The following KLF12 variants were observed in gnomAD, a reference collection of about 807,000 sequenced individuals.
KLF12 encodes the protein KLF transcription factor 12.
A neutral mutation model predicts 37.8 loss-of-function variants in KLF12; 9 were observed. The ratio of observed to expected loss-of-function variants is 0.24; its 90% CI spans 0.14 to 0.42. The LOEUF (loss-of-function observed/expected upper bound fraction) is 0.42, where lower values mean the gene tolerates loss of function less well. KLF12 is among the 10% of genes least tolerant of loss of function. KLF12 has a pLI of 1.00. For missense variants in KLF12, 411 were observed against 516.0 expected, an observed-to-expected ratio of 0.80 and a Z score of 1.97; for synonymous variants, 208 against 202.1, an observed-to-expected ratio of 1.03 and a Z score of -0.25.
At chr13:74,098,622 G>C (rs1876119218) in intron 1 of KLF12, among the ~76,000 whole-genome samples, 1 of 152,142 alleles carries the variant, frequency 6.6e-6, no homozygotes. Flanking sequence ...AATATTGAAT[G>C]GCTATATCAA....
chr13:74,245,435 A>G, the KLF12 span, among the ~76,000 whole-genome samples: 1 of 152,164 alleles, frequency 6.6e-6, no homozygotes, highest in Non-Finnish European at 1.5e-5. Context: ...GATCAGAGAG[A>G]GAAATTGTTG....
At chr13:74,152,170 A>G in the KLF12 span, among the ~76,000 whole-genome samples, 1 of 152,282 alleles carries the variant, frequency 6.6e-6, no homozygotes, top group South Asian at 2.1e-4. Flanking sequence ...CACCCAACAC[A>G]TTTGCTCTGA....
At chr13:74,167,194 A>T in the KLF12 span, among the ~76,000 whole-genome samples, 5 of 152,232 alleles carry the variant, frequency 3.3e-5, no homozygotes, top group African/African-American at 1.2e-4. Context: ...AGGCATATAG[A>T]GATGCTCAAG....
intron 6 of KLF12, among the ~76,000 whole-genome samples, chr13:73,721,401 A>AT (rs1157083004): frequency 2.0e-5 from 3 of 152,246 alleles, no homozygotes; most frequent in Admixed American, 6.5e-5. Context: ...AACAGCACAC[A>AT]TAAGTGTTAT....
At chr13:74,245,745 A>G in the KLF12 span, among the ~76,000 whole-genome samples, 2 of 152,342 alleles carry the variant, frequency 1.3e-5, no homozygotes, top group South Asian at 2.1e-4. Context: ...TTCACTAAGG[A>G]TAGTCACCTA....
intron 7 of KLF12, among the ~76,000 whole-genome samples, chr13:73,698,442 T>C (rs1479548867): frequency 6.6e-6 from 1 of 152,172 alleles, no homozygotes; most frequent in Non-Finnish European, 1.5e-5. Context: ...CTTAAAATTC[T>C]CTAATTTCTT....
At chr13:74,177,340 T>G in the KLF12 span, among the ~76,000 whole-genome samples, 62,876 of 152,008 alleles carry the variant, frequency 0.41, 16,161 homozygotes, top group East Asian at 0.74. Flanking sequence ...TATGGTATGT[T>G]TGGAGAAGGG....
chr13:73,844,910 A>G (rs1234201548), intron 4 of KLF12: 2 of 152,214 alleles, frequency 1.3e-5, no homozygotes, highest in East Asian at 3.8e-4. Context: ...TTAAAAGGGA[A>G]TAAGTCAATG....
chr13:74,232,802 C>A, the KLF12 span, among the ~76,000 whole-genome samples: 364 of 152,230 alleles, frequency 2.4e-3, no homozygotes, highest in African/African-American at 8.2e-3. Context: ...GTTGGGCCAT[C>A]CCATGTAGGT....
At chr13:74,081,892 T>C (rs933665406) in intron 1 of KLF12, among the ~76,000 whole-genome samples, 20 of 151,998 alleles carry the variant, frequency 1.3e-4, no homozygotes, top group African/African-American at 4.6e-4. Context: ...CCTCAAACAA[T>C]GGGTTGGTCT....
rs375091947 is a variant in KLF12 at position 73,845,863 on chromosome 13, C to G, written c.634G>C (p.Val212Leu). The G allele has an allele frequency of 1.9e-5, 30 of 1,614,058 alleles. No individual in the cohort carries two copies. The highest frequency in any genetic ancestry group is 2.5e-5 in the Non-Finnish European group (30 of 1,179,960). The change falls in exon 4 of 8, where the codon GTG (valine) becomes CTG (leucine). Residue 212 changes from valine to leucine, a missense_variant. Val to Leu is a conservative substitution (Grantham distance 32, BLOSUM62 1). Around this residue, in one of 2 missense-constraint regions of KLF12, gnomAD observed 351 missense variants for 397.8 expected, o/e 0.88. Coordinates refer to ENST00000377669, the MANE Select transcript of KLF12 (RefSeq NM_007249.5). ...CCTCTCCCATCCTCCAAAAGCGGCA[C>G]GACAATAGTGTTGTTCACATTTCCA... is the stretch of plus-strand genomic sequence containing the variant.
chr13:73,927,227 A>C (rs1889433320), intron 3 of KLF12, among the ~76,000 whole-genome samples: 1 of 152,208 alleles, frequency 6.6e-6, no homozygotes, highest in Admixed American at 6.5e-5. Flanking sequence ...AAGACTAAGC[A>C]GCCAGCTAAA....
chr13:74,176,935 G>A, the KLF12 span, among the ~76,000 whole-genome samples: 1 of 152,080 alleles, frequency 6.6e-6, no homozygotes, highest in African/African-American at 2.4e-5. Flanking sequence ...TGCTGCATTG[G>A]ATATTACCCT....
chr13:73,809,273 A>T (rs1338084381), intron 5 of KLF12, among the ~76,000 whole-genome samples: 1 of 151,684 alleles, frequency 6.6e-6, no homozygotes, highest in Non-Finnish European at 1.5e-5. Flanking sequence ...TATTTAATAC[A>T]TTAAGTTTAT....
chr13:74,081,850 G>A (rs9318245), intron 1 of KLF12, among the ~76,000 whole-genome samples: 48,016 of 151,790 alleles, frequency 0.32, 9,729 homozygotes, highest in East Asian at 0.68. Context: ...TTTCAACTAC[G>A]TAGACAACTA....
At chr13:73,937,540 G>A (rs1407031542) in intron 3 of KLF12, among the ~76,000 whole-genome samples, 1 of 152,204 alleles carries the variant, frequency 6.6e-6, no homozygotes, top group African/African-American at 2.4e-5. Flanking sequence ...TGAGACTGTG[G>A]TTAGAACTGG....
At chr13:74,113,079 C>CT (rs1350915283) in intron 1 of KLF12, among the ~76,000 whole-genome samples, 2 of 152,204 alleles carry the variant, frequency 1.3e-5, no homozygotes, top group Non-Finnish European at 2.9e-5. Flanking sequence ...TCCTAACTCT[C>CT]TTTAATTTTG....
At chr13:74,201,829 T>G in the KLF12 span, among the ~76,000 whole-genome samples, 1 of 152,146 alleles carries the variant, frequency 6.6e-6, no homozygotes. Flanking sequence ...GACATTGCAA[T>G]TCAGCAGTGG....
the KLF12 span, among the ~76,000 whole-genome samples, chr13:74,140,933 G>A: frequency 1.2e-5 from 1 of 82,258 alleles, no homozygotes; most frequent in Non-Finnish European, 2.4e-5. Flanking sequence ...GCAGGCGCCT[G>A]TAATCCCAGC....
Sources: gnomAD v4.1 joint callset for allele counts (sites outside exome capture counted in the v4.1 genomes callset) on GRCh38, gnomAD v4.1.1 for gene constraint, gnomAD v4.1.1 regional missense constraint, MANE v1.5 for transcripts, NCBI Gene and HGNC (gene_info 2026-07-23, HGNC 2026-07-21) for gene names.